Variants in EDARADD observed in about 807,000 individuals in gnomAD.
The protein encoded by EDARADD is ectodysplasin-A receptor-associated adapter protein.
A neutral mutation model predicts 25.6 loss-of-function variants in EDARADD; 20 were observed. The observed-to-expected ratio is 0.78, with a 90% CI of 0.55 to 1.14. The LOEUF (loss-of-function observed/expected upper bound fraction) is 1.14, where lower values mean the gene tolerates loss of function less well. EDARADD is among the 50% of genes most tolerant of loss of function. The probability of loss-of-function intolerance (pLI) is 0.00; values close to 1 mark genes in which losing one functional copy is unlikely to be tolerated. For synonymous variants in EDARADD, 86 were observed against 94.4 expected (o/e 0.91, Z 0.52); for missense variants, 225 against 270.1 (o/e 0.83, Z 1.17).
At chr1:236,350,886 C>A (rs1162863235) in intron 3 of EDARADD, 1 of 152,150 alleles carries the variant, frequency 6.6e-6, no homozygotes, top group Admixed American at 6.6e-5. Flanking sequence ...CTTCCTGTTC[C>A]TGGAATTTGT....
chr1:236,380,505 A>G (rs1227050865), intron 3 of EDARADD, among the ~76,000 whole-genome samples: 1 of 152,332 alleles, frequency 6.6e-6, no homozygotes, highest in African/African-American at 2.4e-5. Context: ...TATTTTGCTA[A>G]GCAGGTGCCT....
At chr1:236,450,243 A>G (rs896777974) in intron 4 of EDARADD, among the ~76,000 whole-genome samples, 1 of 152,138 alleles carries the variant, frequency 6.6e-6, no homozygotes, top group African/African-American at 2.4e-5. Context: ...TATGATCGAT[A>G]TAATCGTGCC....
chr1:236,405,033 G>A (rs527622629), intron 1 of EDARADD, among the ~76,000 whole-genome samples: 1 of 152,140 alleles, frequency 6.6e-6, no homozygotes, highest in Admixed American at 6.5e-5. Flanking sequence ...GGCGGAGATT[G>A]GAGTGAGCCG....
intron 4 of EDARADD, among the ~76,000 whole-genome samples, chr1:236,447,905 G>A (rs1279301357): frequency 6.6e-6 from 1 of 151,176 alleles, no homozygotes; most frequent in Non-Finnish European, 1.5e-5. Flanking sequence ...GCGCAATCTC[G>A]GCTCCCTGCA....
At chr1:236,434,033 G>A (rs866829129) in intron 4 of EDARADD, among the ~76,000 whole-genome samples, 3 of 152,208 alleles carry the variant, frequency 2.0e-5, no homozygotes, top group African/African-American at 7.2e-5. Flanking sequence ...ATGATGTCAT[G>A]GTCAATGGCA....
chr1:236,391,100 C>T (rs1667421804), upstream of EDARADD, among the ~76,000 whole-genome samples: 1 of 152,140 alleles, frequency 6.6e-6, no homozygotes, highest in Non-Finnish European at 1.5e-5. Flanking sequence ...GCGCCTGCCA[C>T]CACGCCCAGC....
intron 4 of EDARADD, among the ~76,000 whole-genome samples, chr1:236,458,921 C>T (rs922776975): frequency 1.3e-5 from 2 of 151,768 alleles, no homozygotes; most frequent in African/African-American, 2.4e-5. Context: ...GGATTACAGC[C>T]GTGAGCCACC....
At chr1:236,352,583 T>C (rs1269320148) in intron 3 of EDARADD, among the ~76,000 whole-genome samples, 2 of 152,130 alleles carry the variant, frequency 1.3e-5, no homozygotes, top group African/African-American at 4.8e-5. Flanking sequence ...TGTGGTGGCT[T>C]ACGCCTGTAA....
intron 3 of EDARADD, among the ~76,000 whole-genome samples, chr1:236,375,747 A>T (rs532058042): frequency 6.7e-6 from 1 of 149,476 alleles, no homozygotes; most frequent in African/African-American, 2.5e-5. Flanking sequence ...ATTAGCTGAG[A>T]TTAGTGTTGC....
At chr1:236,389,059 T>A (rs1330132767) in intron 3 of EDARADD, among the ~76,000 whole-genome samples, 7 of 152,206 alleles carry the variant, frequency 4.6e-5, no homozygotes, top group African/African-American at 1.7e-4. Context: ...TTTTAATATA[T>A]GAAGTTCATC....
intron 3 of EDARADD, among the ~76,000 whole-genome samples, chr1:236,424,837 A>G (rs376953616): frequency 7.9e-5 from 12 of 152,314 alleles, no homozygotes; most frequent in Non-Finnish European, 1.8e-4. Context: ...ACTCTGCTAC[A>G]ACTTTGTCTT....
intron 3 of EDARADD, among the ~76,000 whole-genome samples, chr1:236,423,302 AT>A (rs1657826777): frequency 6.6e-6 from 1 of 152,202 alleles, no homozygotes; most frequent in African/African-American, 2.4e-5. Context: ...GAGAGGGTCA[AT>A]AGCTATTTAT....
intron 3 of EDARADD, among the ~76,000 whole-genome samples, chr1:236,416,938 C>T (rs1043699833): frequency 6.6e-5 from 10 of 152,090 alleles, no homozygotes; most frequent in African/African-American, 2.4e-4. Flanking sequence ...ATGGCGAAAC[C>T]CCATCTCTAC....
chr1:236,413,444 G>A (rs1334350991), intron 2 of EDARADD, among the ~76,000 whole-genome samples: 2 of 152,122 alleles, frequency 1.3e-5, no homozygotes, highest in African/African-American at 2.4e-5. Context: ...GGAAGACATG[G>A]GTGGAGAGCT....
chr1:236,390,038 G>A (rs373144450), upstream of EDARADD, among the ~76,000 whole-genome samples: 59 of 152,158 alleles, frequency 3.9e-4, no homozygotes, highest in African/African-American at 1.4e-3. Flanking sequence ...GGTAGCAAAA[G>A]AAGATTTAAT....
intron 3 of EDARADD, among the ~76,000 whole-genome samples, chr1:236,418,241 C>T (rs1380240821): frequency 2.6e-5 from 4 of 151,378 alleles, no homozygotes. Flanking sequence ...GCGTGAGCCA[C>T]CGCGCCCGGC....
intron 4 of EDARADD, among the ~76,000 whole-genome samples, chr1:236,428,862 G>A (rs34878229): frequency 0.45 from 67,122 of 150,562 alleles, 17,219 homozygotes; most frequent in Non-Finnish European, 0.59. Context: ...CACTGAGTGA[G>A]CGAGACTCTG....
At chr1:236,424,738 G>T (rs1447975162) in intron 3 of EDARADD, among the ~76,000 whole-genome samples, 1 of 152,160 alleles carries the variant, frequency 6.6e-6, no homozygotes, top group Admixed American at 6.5e-5. Flanking sequence ...CAACTCTGAG[G>T]ATCAGGATCT....
upstream of EDARADD, among the ~76,000 whole-genome samples, chr1:236,389,630 A>G (rs1667397236): frequency 6.6e-6 from 1 of 152,198 alleles, no homozygotes; most frequent in Non-Finnish European, 1.5e-5. Context: ...GACATTTTGG[A>G]ATAAAACTTT....
Sources: gnomAD v4.1 joint callset for allele counts (sites outside exome capture counted in the v4.1 genomes callset) on GRCh38, gnomAD v4.1.1 for gene constraint, MANE v1.5 for transcripts, NCBI Gene and HGNC (gene_info 2026-07-23, HGNC 2026-07-21) for gene names.